The following KDM7A variants were observed in gnomAD, a reference collection of about 807,000 sequenced individuals.
The protein encoded by KDM7A is lysine demethylase 7A, also known as lysine-specific demethylase 7A.
KDM7A carries 28 observed loss-of-function variants against 114.8 expected under a neutral mutation model. The observed-to-expected ratio is 0.24, with a 90% CI of 0.18 to 0.33. The LOEUF is 0.33. KDM7A is among the 10% of genes least tolerant of loss of function. The pLI, the probability that KDM7A is intolerant of heterozygous loss-of-function variation, is 1.00. For synonymous variants in KDM7A, 423 were observed against 397.8 expected (o/e 1.06, Z -0.75); for missense variants, 942 against 1,142.5 (o/e 0.82, Z 2.53).
Position 140,120,479 on chromosome 7 carries a change from T to TC in KDM7A, c.1101dup (p.Asn368GlufsTer7), listed in dbSNP as rs775105326. The TC allele has an allele frequency of 6.2e-7, 1 of 1,613,030 alleles. No individual in the cohort carries two copies. On this transcript the variant is annotated frameshift_variant, in exon 8 of 20. Coordinates refer to ENST00000397560, the MANE Select transcript of KDM7A (RefSeq NM_030647.2). ...CCAATGTTAAGGTTGTGCAGGAAGT[T>TC]CCCCCCAAAAGCCATACAGTCCTGA...
At chr7:140,161,963 C>T (rs1405159786) in intron 1 of KDM7A, among the ~76,000 whole-genome samples, 1 of 152,120 alleles carries the variant, frequency 6.6e-6, no homozygotes, top group East Asian at 1.9e-4. Flanking sequence ...ATTAAAAATA[C>T]CAAATTATCT....
chr7:140,137,375 AACTT>A (rs1324122630), intron 2 of KDM7A, among the ~76,000 whole-genome samples: 2 of 152,252 alleles, frequency 1.3e-5, no homozygotes, highest in African/African-American at 2.4e-5. Context: ...GCCTCATAGT[AACTT>A]ACTTAGTATT....
At chr7:140,099,066 G>C in intron 13 of KDM7A, 33 bp from the exon 14 acceptor site, 1 of 1,542,764 alleles carries the variant, frequency 6.5e-7, no homozygotes, top group Non-Finnish European at 8.8e-7. Context: ...TCAGAATATA[G>C]TGCAAGACTC....
intron 1 of KDM7A, among the ~76,000 whole-genome samples, chr7:140,144,028 C>T (rs1054611730): frequency 1.3e-5 from 2 of 152,052 alleles, no homozygotes; most frequent in Non-Finnish European, 2.9e-5. Context: ...TCCATAGTTT[C>T]TTATAAGAAA....
rs1818009025 is a variant in KDM7A, at chr7:140,091,027, G to A, written c.*67C>T. 5.3e-6 allele frequency: 6 copies of A among 1,127,484 alleles called. No individual in the cohort carries two copies. Among genetic ancestry groups the A allele is most frequent in the Non-Finnish European group, 5.4e-6 (4 of 739,538 alleles). The allele number at this position is 1,127,484 out of a possible 1,614,324, so 69.8% of individuals were successfully genotyped here. On this transcript the variant is annotated 3_prime_UTR_variant, in exon 20 of 20. Transcript: ENST00000397560. ...AACTGCTCCAGGCAGGGGGACAGCG[G>A]AAGCTCCAGGCTCCTGCACCCCTAG...
chr7:140,140,528 C>A (rs891349766), intron 1 of KDM7A, among the ~76,000 whole-genome samples: 1 of 152,080 alleles, frequency 6.6e-6, no homozygotes, highest in African/African-American at 2.4e-5. Flanking sequence ...GTAATCCCAG[C>A]ACTTTGGGAG....
chr7:140,155,884 G>A (rs1003374591), intron 1 of KDM7A, among the ~76,000 whole-genome samples: 3 of 152,186 alleles, frequency 2.0e-5, no homozygotes, highest in African/African-American at 4.8e-5. Flanking sequence ...TTAATCTCCT[G>A]AGTAACTTTT....
chr7:140,093,879 T>G (rs550549563), intron 18 of KDM7A, among the ~76,000 whole-genome samples, 177 bp downstream of exon 18: 1 of 152,354 alleles, frequency 6.6e-6, no homozygotes, highest in Admixed American at 6.5e-5. Context: ...CTTATGTTAG[T>G]TATCATTTCG....
intron 1 of KDM7A, among the ~76,000 whole-genome samples, chr7:140,157,935 C>CT (rs1384850758): frequency 5.3e-5 from 8 of 151,354 alleles, no homozygotes; most frequent in Non-Finnish European, 1.2e-4. Flanking sequence ...CACCACTGCA[C>CT]TCCAGCCTGG....
intron 1 of KDM7A, among the ~76,000 whole-genome samples, chr7:140,169,771 G>A (rs956243680): frequency 3.3e-5 from 5 of 152,068 alleles, no homozygotes; most frequent in Non-Finnish European, 7.4e-5. Context: ...TGATCCGCCC[G>A]CCTCAGCCTC....
chr7:140,100,713 T>C (rs55657479), intron 12 of KDM7A, among the ~76,000 whole-genome samples: 1,377 of 32,566 alleles, frequency 0.042, 26 homozygotes, highest in East Asian at 0.084. Context: ...TATATACACA[T>C]ATATATATAT....
At chr7:140,134,773 A>G (rs940718074) in intron 2 of KDM7A, among the ~76,000 whole-genome samples, 1 of 152,158 alleles carries the variant, frequency 6.6e-6, no homozygotes, top group Non-Finnish European at 1.5e-5. Context: ...TTGCTGTAAA[A>G]TTCTTCCAAT....
intron 3 of KDM7A, among the ~76,000 whole-genome samples, chr7:140,130,283 C>A (rs148968072): frequency 4.8e-4 from 73 of 151,996 alleles, no homozygotes; most frequent in African/African-American, 1.7e-3. Flanking sequence ...ATACAGGATG[C>A]GTAGAAATTT....
At position 140,176,378 on chromosome 7, in the gene KDM7A, C is replaced by G. The variant is rs977017844; in HGVS notation, c.194+366G>C. ...CGGGGCGGGGCGGGGCGGCGGCGGC[C>G]CGGGCTGGCGAGGGGCTGCGGACCC... On this transcript the variant is annotated intron_variant, in intron 1 of 19. Transcript: ENST00000397560. The surrounding 1 kb of genome is among the most constrained non-coding windows in gnomAD (Gnocchi z 4.4). Among the ~76,000 whole-genome samples the G allele has an allele frequency of 7.1e-6, 1 of 141,570 alleles. No homozygotes were observed. Among genetic ancestry groups the G allele is most frequent in the African/African-American group, 2.5e-5 (1 of 39,706 alleles). The allele number at this position is 141,570 out of a possible 152,430, so 92.9% of individuals were successfully genotyped here.
At chr7:140,146,148 T>C (rs554731870) in intron 1 of KDM7A, among the ~76,000 whole-genome samples, 4 of 152,296 alleles carry the variant, frequency 2.6e-5, no homozygotes, top group African/African-American at 9.6e-5. Flanking sequence ...AACAGTAAAT[T>C]TGATATATCA....
At chr7:140,162,063 T>C (rs1277573872) in intron 1 of KDM7A, among the ~76,000 whole-genome samples, 1 of 152,090 alleles carries the variant, frequency 6.6e-6, no homozygotes, top group East Asian at 1.9e-4. Context: ...AGGCCAGGCA[T>C]GGTGGCTCAC....
chr7:140,098,711 C>T (rs776063422), intron 14 of KDM7A, among the ~76,000 whole-genome samples, 168 bp downstream of exon 14: 1 of 152,208 alleles, frequency 6.6e-6, no homozygotes, highest in African/African-American at 2.4e-5. Flanking sequence ...CCTCACTGGG[C>T]ATTCACGTTC....
chr7:140,149,638 A>T (rs1398848279), intron 1 of KDM7A, among the ~76,000 whole-genome samples: 1 of 152,250 alleles, frequency 6.6e-6, no homozygotes, highest in African/African-American at 2.4e-5. Context: ...CAGACTAAAG[A>T]AATTAGGATA....
In KDM7A at chr7:140,147,841, T is replaced by C. The variant is rs540570716; in HGVS notation, c.195-8651A>G. Among the ~76,000 whole-genome samples the C allele has an allele frequency of 4.8e-4, 73 of 152,290 alleles. 1 individual carries two copies. The highest frequency in any genetic ancestry group is 1.5e-3 in the African/African-American group (63 of 41,554). On this transcript the variant is annotated intron_variant, in intron 1 of 19. Coordinates refer to ENST00000397560, the MANE Select transcript of KDM7A (RefSeq NM_030647.2). ...TATCAACTGGCTTCAATGGGATGCA[T>C]AGATTGTAGAATTAGAAAGACTTGA...
Sources: allele counts gnomAD v4.1 joint callset (sites outside exome capture counted in the v4.1 genomes callset), GRCh38; gene constraint gnomAD v4.1.1; non-coding constraint Gnocchi (gnomAD v3.1); transcripts MANE v1.5; gene names NCBI Gene and HGNC (gene_info 2026-07-23, HGNC 2026-07-21).